GOLIM4: variants seen among roughly 807,000 people sequenced by gnomAD.
GOLIM4 encodes 130 kDa golgi-localized phosphoprotein.
GOLIM4 carries 71 observed loss-of-function variants against 107.4 expected under a neutral mutation model. That is an observed-to-expected ratio of 0.66 (90% confidence interval 0.55 to 0.81). The LOEUF (loss-of-function observed/expected upper bound fraction) is 0.81. Among genes scored for constraint, GOLIM4 ranks in the 30% least tolerant of loss-of-function variants. The pLI, the probability that GOLIM4 is intolerant of heterozygous loss-of-function variation, is 0.00. For missense variants in GOLIM4, 830 were observed against 826.1 expected (o/e 1.00, Z -0.06); for synonymous variants, 327 against 294.8 (o/e 1.11, Z -1.12).
chr3:168,019,808 C>T (rs1037271057), intron 14 of GOLIM4, among the ~76,000 whole-genome samples: 1 of 152,096 alleles, frequency 6.6e-6, no homozygotes. Flanking sequence ...TTATTTGTCC[C>T]ACTTTTAGTA....
chr3:168,084,239 G>T (rs1721509799), intron 1 of GOLIM4, among the ~76,000 whole-genome samples: 2 of 152,216 alleles, frequency 1.3e-5, no homozygotes, highest in South Asian at 2.1e-4. Context: ...TGCCATCATT[G>T]TAAGTTTCCT....
intron 12 of GOLIM4, among the ~76,000 whole-genome samples, chr3:168,026,594 C>T (rs1200392486): frequency 6.6e-6 from 1 of 152,156 alleles, no homozygotes; most frequent in Non-Finnish European, 1.5e-5. Context: ...ACAGCAGTTC[C>T]CAAACAAGTG....
At chr3:168,048,063 G>A (rs1215499582) in intron 2 of GOLIM4, among the ~76,000 whole-genome samples, 2 of 151,640 alleles carry the variant, frequency 1.3e-5, no homozygotes, top group African/African-American at 4.8e-5. Context: ...CAATATATGA[G>A]CTATCACAAG....
chr3:168,031,175 T>C lies in GOLIM4; in HGVS notation c.1177-1139A>G, dbSNP rs574586296. Among the ~76,000 whole-genome samples the C allele has an allele frequency of 9.9e-5, 15 of 152,236 alleles. 1 individual carries two copies. In the South Asian group the frequency reaches 2.9e-3, roughly 29 times the overall value. ...TTGATAAGATAGAGTGGATTGGTGG[T>C]TACTAGAAGCTGGGAAGGGGGATGA... On this transcript the variant is annotated intron_variant, in intron 9 of 15. Transcript: ENST00000470487.
chr3:168,022,265 G>A (rs1352621321), intron 14 of GOLIM4, among the ~76,000 whole-genome samples: 2 of 151,908 alleles, frequency 1.3e-5, no homozygotes, highest in Non-Finnish European at 2.9e-5. Context: ...GGAAGCGATG[G>A]CAGCCACAGG....
intron 1 of GOLIM4, among the ~76,000 whole-genome samples, chr3:168,093,384 C>T (rs1315159007): frequency 1.3e-5 from 2 of 152,192 alleles, no homozygotes; most frequent in Non-Finnish European, 2.9e-5. Context: ...TGCATTGATT[C>T]CCCTAATGAG....
intron 1 of GOLIM4, among the ~76,000 whole-genome samples, chr3:168,079,886 A>G (rs1200050619): frequency 1.3e-5 from 2 of 152,178 alleles, no homozygotes; most frequent in Non-Finnish European, 2.9e-5. Context: ...TTGTTTTCTT[A>G]AATAGATATT....
intron 3 of GOLIM4, among the ~76,000 whole-genome samples, chr3:168,045,372 C>T (rs1162865249): frequency 6.6e-6 from 1 of 152,140 alleles, no homozygotes; most frequent in Admixed American, 6.5e-5. Context: ...ATTCTATATA[C>T]ATGATTTTAC....
rs1454347908 is a variant in GOLIM4, at chr3:168,024,517, C to G, written c.1860+9G>C. ...ATCTGATCAGTCTCTGGGATTCAAT[C>G]CTTACTACCTCCTCTTCTGCCTCTT... On this transcript the variant is annotated intron_variant, in intron 14 of 15. Transcript: ENST00000470487. 1 of 1,591,874 alleles carries G rather than the reference C, an allele frequency of 6.3e-7. No individual in the cohort carries two copies. The highest frequency in any genetic ancestry group is 8.6e-7 in the Non-Finnish European group (1 of 1,159,704).
chr3:168,043,473 T>A lies in GOLIM4; in HGVS notation c.423A>T (p.Lys141Asn). The change falls in exon 5 of 16, where the codon AAA (lysine) becomes AAT (asparagine). Residue 141 changes from lysine to asparagine, a missense_variant. By Grantham distance (94) the Lys-to-Asn change is moderately conservative (BLOSUM62 0). Coordinates refer to ENST00000470487, the MANE Select transcript of GOLIM4 (RefSeq NM_014498.5). ...QHSDLEEEHR[K>N]QGEDFSRTFN... ...ATGTTCTACTGAAGTCTTCCCCTTGTTTGCGATGTTCCTCTTCCAAGTCAC... is the reference window on the plus strand; with the variant it reads ...ATGTTCTACTGAAGTCTTCCCCTTGATTGCGATGTTCCTCTTCCAAGTCAC... The A allele has an allele frequency of 6.2e-7, 1 of 1,613,728 alleles. No individual in the cohort carries two copies.
rs1272085521 is a variant in GOLIM4 at position 168,034,461 on chromosome 3, A to G, written c.844-1609T>C. ...TTAACATAAGAGCCTGAGAAAGAATAAGAGTCCATGAAGATACTGAACCTG... is the reference window on the plus strand; with the variant it reads ...TTAACATAAGAGCCTGAGAAAGAATGAGAGTCCATGAAGATACTGAACCTG... On this transcript the variant is annotated intron_variant, in intron 8 of 15. Transcript: ENST00000470487. Among the ~76,000 whole-genome samples the G allele has an allele frequency of 3.3e-5, 5 of 152,332 alleles. No individual in the cohort carries two copies. The East Asian group carries it at 7.7e-4, about 23-fold the overall frequency.
intron 1 of GOLIM4, among the ~76,000 whole-genome samples, chr3:168,079,473 T>C (rs1403317141): frequency 6.6e-6 from 1 of 152,216 alleles, no homozygotes; most frequent in East Asian, 1.9e-4. Flanking sequence ...TGTTTTGATC[T>C]CATTGCTGGT....
At chr3:168,073,682 C>T (rs1426507742) in intron 1 of GOLIM4, among the ~76,000 whole-genome samples, 1 of 152,142 alleles carries the variant, frequency 6.6e-6, no homozygotes, top group Non-Finnish European at 1.5e-5. Flanking sequence ...ATGGGATAGA[C>T]AGTACTTGGG....
chr3:168,045,505 T>C (rs1719245054), intron 3 of GOLIM4, among the ~76,000 whole-genome samples: 1 of 152,196 alleles, frequency 6.6e-6, no homozygotes, highest in Non-Finnish European at 1.5e-5. Context: ...CTGGCTGAAC[T>C]GCGTGTCCTG....
At chr3:168,088,103 T>C (rs10513641) in intron 1 of GOLIM4, among the ~76,000 whole-genome samples, 27,241 of 152,090 alleles carry the variant, frequency 0.18, 3,873 homozygotes, top group African/African-American at 0.4. Flanking sequence ...TTGTCCTTAA[T>C]GATAAAAGAA....
chr3:168,020,895 G>A (rs1180656149), intron 14 of GOLIM4, among the ~76,000 whole-genome samples: 4 of 152,166 alleles, frequency 2.6e-5, no homozygotes, highest in African/African-American at 9.7e-5. Flanking sequence ...TTTAAAATAT[G>A]ACTAGAATAA....
At chr3:168,081,928 G>C (rs1721389790) in intron 1 of GOLIM4, among the ~76,000 whole-genome samples, 1 of 152,104 alleles carries the variant, frequency 6.6e-6, no homozygotes, top group Non-Finnish European at 1.5e-5. Context: ...TTAATAGTCA[G>C]GGCTTAAGGG....
chr3:168,082,328 G>A (rs1425159582), intron 1 of GOLIM4, among the ~76,000 whole-genome samples: 1 of 152,116 alleles, frequency 6.6e-6, no homozygotes, highest in African/African-American at 2.4e-5. Flanking sequence ...AGAACAGCTG[G>A]AAGCCAACAG....
chr3:168,056,750 G>A (rs1343729700), intron 1 of GOLIM4, among the ~76,000 whole-genome samples: 1 of 152,160 alleles, frequency 6.6e-6, no homozygotes, highest in East Asian at 1.9e-4. Flanking sequence ...TCTCCTATTT[G>A]GAATGACTGT....
Sources: allele counts gnomAD v4.1 joint callset (sites outside exome capture counted in the v4.1 genomes callset), GRCh38; gene constraint gnomAD v4.1.1; transcripts MANE v1.5; gene names NCBI Gene and HGNC (gene_info 2026-07-23, HGNC 2026-07-21).